CACNA2D2: variants seen among roughly 807,000 people sequenced by gnomAD.
CACNA2D2 encodes the protein voltage-dependent calcium channel subunit alpha-2/delta-2.
Under a neutral mutation model 166.4 loss-of-function variants are expected in CACNA2D2, and 48 were observed. The observed-to-expected ratio is 0.29, with a 90% CI of 0.23 to 0.37. The LOEUF (loss-of-function observed/expected upper bound fraction) is 0.37, where lower values mean the gene tolerates loss of function less well. Among genes scored for constraint, CACNA2D2 ranks in the 10% least tolerant of loss-of-function variants. CACNA2D2 has a pLI of 1.00. For synonymous variants in CACNA2D2, 561 were observed against 573.7 expected (o/e 0.98, Z 0.32); for missense variants, 1,122 against 1,433.0 (o/e 0.78, Z 3.50).
chr3:50,429,424 T>C (rs988985915), intron 3 of CACNA2D2, among the ~76,000 whole-genome samples: 2 of 151,724 alleles, frequency 1.3e-5, no homozygotes, highest in Admixed American at 6.6e-5. Context: ...CCAGTAATCC[T>C]GGGAAGTAAA....
intron 3 of CACNA2D2, among the ~76,000 whole-genome samples, chr3:50,424,435 T>C (rs756131580): frequency 2.6e-5 from 4 of 152,152 alleles, no homozygotes; most frequent in Admixed American, 6.5e-5. Context: ...ACTGCATGCA[T>C]GCACCCCAAC....
intron 2 of CACNA2D2, among the ~76,000 whole-genome samples, chr3:50,438,536 G>A (rs1172425119): frequency 6.6e-6 from 1 of 152,190 alleles, no homozygotes; most frequent in Admixed American, 6.5e-5. Context: ...ACCCTTGCAG[G>A]AATGGTGACC....
At chr3:50,396,829 A>G (rs572843501) in intron 3 of CACNA2D2, among the ~76,000 whole-genome samples, 1 of 152,218 alleles carries the variant, frequency 6.6e-6, no homozygotes, top group African/African-American at 2.4e-5. Context: ...GGCTCTGTTG[A>G]GGCCCCTGTC....
At chr3:50,382,127 G>T (rs1026837990) in intron 6 of CACNA2D2, among the ~76,000 whole-genome samples, 4 of 152,238 alleles carry the variant, frequency 2.6e-5, no homozygotes, top group Admixed American at 2.0e-4. Context: ...ACTCGGGGCG[G>T]CCTGATGTGT....
intron 2 of CACNA2D2, among the ~76,000 whole-genome samples, chr3:50,474,078 T>C (rs553801313): frequency 6.6e-6 from 1 of 152,180 alleles, no homozygotes; most frequent in African/African-American, 2.4e-5. Flanking sequence ...AGAGGGGAAG[T>C]GGAGCCACAG....
rs1324703341 is a variant in CACNA2D2 at position 50,376,101 on chromosome 3, C to T, written c.1701+13G>A. 1 of 1,613,414 alleles carries T rather than the reference C, an allele frequency of 6.2e-7. No individual in the cohort carries two copies. The highest frequency in any genetic ancestry group is 8.5e-7 in the Non-Finnish European group (1 of 1,179,986). ...AAGGTTTGCCCACCCTCCAGGCCAC[C>T]CGTCTGGCTCACCTGGGGCTTGAGA... On this transcript the variant is annotated intron_variant, in intron 18 of 37. Transcript: ENST00000424201. This position sits in a 1 kb window ranked among gnomAD's most constrained non-coding sequence, Gnocchi z 4.3.
chr3:50,377,603 C>T, intron 16 of CACNA2D2, 62 bp from the exon 17 acceptor site: 1 of 1,580,024 alleles, frequency 6.3e-7, no homozygotes, highest in Non-Finnish European at 8.7e-7. Context: ...CCACCCTCCA[C>T]AAGGCCTCAA....
At chr3:50,429,192 T>A (rs1379557292) in intron 3 of CACNA2D2, among the ~76,000 whole-genome samples, 6 of 152,116 alleles carry the variant, frequency 3.9e-5, no homozygotes, top group Admixed American at 2.0e-4. Flanking sequence ...ATCCCACCAC[T>A]GCGCTCCAGC....
chr3:50,414,465 C>T lies in CACNA2D2; in HGVS notation c.405+19848G>A, dbSNP rs141426088. ...TCAAAGCAGGGCTGGCAAGAGCAGA[C>T]CCTGCTGCCTCCTCTAGGGTAAACC... On this transcript the variant is annotated intron_variant, in intron 3 of 37. Coordinates refer to ENST00000424201, the MANE Select transcript of CACNA2D2 (RefSeq NM_006030.4). 5.4e-3 allele frequency among the ~76,000 whole-genome samples: 818 copies of T among 152,320 alleles called. 16 individuals are homozygous for T. Among genetic ancestry groups the T allele is most frequent in the African/African-American group, 0.018 (765 of 41,570 alleles).
At chr3:50,443,281 C>T (rs891799837) in intron 2 of CACNA2D2, among the ~76,000 whole-genome samples, 1 of 152,070 alleles carries the variant, frequency 6.6e-6, no homozygotes, top group African/African-American at 2.4e-5. Flanking sequence ...GCTCTGCTCT[C>T]TCCCGCTGCC....
Position 50,367,771 on chromosome 3 carries a change from C to G in CACNA2D2, c.2234+41G>C. 1 of 1,611,936 alleles carries G rather than the reference C, an allele frequency of 6.2e-7. No homozygotes were observed. On this transcript the variant is annotated intron_variant, in intron 25 of 37. Transcript: ENST00000424201. This position sits in a 1 kb window ranked among gnomAD's most constrained non-coding sequence, Gnocchi z 6.5. ...CTGGGCAGGTCCAGGGCCTCTGGGC[C>G]CATCCTAGCCTTCTGCCCCCACAGG... is the stretch of plus-strand genomic sequence containing the variant.
chr3:50,376,886 G>A lies in CACNA2D2; in HGVS notation c.1626+581C>T, dbSNP rs1243696601. On this transcript the variant is annotated intron_variant, in intron 17 of 37. Transcript: ENST00000424201. This position sits in a 1 kb window ranked among gnomAD's most constrained non-coding sequence, Gnocchi z 4.3. Reference sequence around the variant, plus strand: ...CACAATGCCATCTTGCCCCTACCCTGGTTTATGATTGTTTTTCACCTTTGG... The same window carrying A: ...CACAATGCCATCTTGCCCCTACCCTAGTTTATGATTGTTTTTCACCTTTGG... 6.6e-6 allele frequency among the ~76,000 whole-genome samples: 1 copy of A among 152,174 alleles called. No individual in the cohort carries two copies. The highest frequency in any genetic ancestry group is 2.4e-5 in the African/African-American group (1 of 41,426).
At chr3:50,475,733 G>C (rs1334507575) in intron 2 of CACNA2D2, among the ~76,000 whole-genome samples, 1 of 144,348 alleles carries the variant, frequency 6.9e-6, no homozygotes. Context: ...GGTATGGACC[G>C]GCCATCCCGT....
intron 4 of CACNA2D2, among the ~76,000 whole-genome samples, chr3:50,387,972 T>C (rs1162605370): frequency 6.6e-6 from 1 of 152,092 alleles, no homozygotes; most frequent in Non-Finnish European, 1.5e-5. Flanking sequence ...CAGAGCCGAG[T>C]TTGGGCAGGA....
rs901219703 is a variant in CACNA2D2, at chr3:50,410,483, G to GGGC, written c.406-16316_406-16315insGCC. 3.4e-5 allele frequency among the ~76,000 whole-genome samples: 5 copies of GGGC among 147,494 alleles called. 1 individual carries two copies. The highest frequency in any genetic ancestry group is 7.4e-5 in the Non-Finnish European group (5 of 67,718). On this transcript the variant is annotated intron_variant, in intron 3 of 37. Coordinates refer to ENST00000424201, the MANE Select transcript of CACNA2D2 (RefSeq NM_006030.4). ...CAGAGCTGGGTGCTCCCTGGGATGG[G>GGGC]GGGGGGGGTGTTGTCTTTGTGCCCC...
At chr3:50,478,741 G>A (rs1697910614) in intron 1 of CACNA2D2, among the ~76,000 whole-genome samples, 1 of 152,180 alleles carries the variant, frequency 6.6e-6, no homozygotes, top group African/African-American at 2.4e-5. Flanking sequence ...CACAAAAGCT[G>A]ACTCACAAAA....
intron 1 of CACNA2D2, among the ~76,000 whole-genome samples, chr3:50,485,117 C>T (rs1464329290): frequency 1.3e-5 from 2 of 152,230 alleles, no homozygotes; most frequent in African/African-American, 4.8e-5. Context: ...TTCCAGGAAG[C>T]AGGAAGAAAG....
intron 2 of CACNA2D2, among the ~76,000 whole-genome samples, chr3:50,443,028 G>A (rs918496897): frequency 5.9e-5 from 9 of 152,104 alleles, no homozygotes; most frequent in Non-Finnish European, 2.9e-5. Flanking sequence ...GAACCAAACC[G>A]CAGGCAAGAA....
rs1704404047 is a variant in CACNA2D2 at position 50,367,653 on chromosome 3, G to T, written c.2286C>A (p.Val762=). ...FAATDGGITR[V]FPNKAAEDWT... is the part of the protein sequence containing the mutation. ...GATAGGTCACTTACTTGTTGGGGAA[G>T]ACTCGGGTGATGCCACCGTCTGTGG... Residue 762 remains valine, a synonymous_variant, in exon 26 of 38, where the codon GTC becomes GTA. Coordinates refer to ENST00000424201, the MANE Select transcript of CACNA2D2 (RefSeq NM_006030.4). This position sits in a 1 kb window ranked among gnomAD's most constrained non-coding sequence, Gnocchi z 6.5. The T allele has an allele frequency of 1.2e-6, 2 of 1,611,958 alleles. No individual in the cohort carries two copies. Among genetic ancestry groups the T allele is most frequent in the Non-Finnish European group, 1.7e-6 (2 of 1,178,530 alleles).
Sources: gnomAD v4.1 joint callset for allele counts (sites outside exome capture counted in the v4.1 genomes callset) on GRCh38, gnomAD v4.1.1 for gene constraint, Gnocchi (gnomAD v3.1) non-coding constraint, MANE v1.5 for transcripts, NCBI Gene and HGNC (gene_info 2026-07-23, HGNC 2026-07-21) for gene names.